Variants in NT5DC1 observed in about 807,000 individuals in gnomAD.
The protein encoded by NT5DC1 is 5'-nucleotidase domain-containing protein 1.
Under a neutral mutation model 59.4 loss-of-function variants are expected in NT5DC1, and 42 were observed. That is an observed-to-expected ratio of 0.71 (90% confidence interval 0.55 to 0.92). NT5DC1 has a LOEUF of 0.92. Among genes scored for constraint, NT5DC1 ranks in the 40% least tolerant of loss-of-function variants. NT5DC1 has a pLI of 0.00. For synonymous variants in NT5DC1, 172 were observed against 188.1 expected (o/e 0.91, Z 0.70); for missense variants, 501 against 537.1 (o/e 0.93, Z 0.66).
At chr6:116,149,927 C>T (rs986416140) in intron 6 of NT5DC1, among the ~76,000 whole-genome samples, 6 of 152,326 alleles carry the variant, frequency 3.9e-5, no homozygotes, top group African/African-American at 1.4e-4. Context: ...TTCCCCCACT[C>T]ACAGGTAGGT....
intron 6 of NT5DC1, among the ~76,000 whole-genome samples, chr6:116,134,569 A>G (rs542329367): frequency 2.6e-5 from 4 of 152,104 alleles, no homozygotes; most frequent in Non-Finnish European, 5.9e-5. Flanking sequence ...ATTGAGGTGG[A>G]TGGTTTGCCT....
intron 6 of NT5DC1, among the ~76,000 whole-genome samples, chr6:116,189,864 G>C (rs1347502390): frequency 6.6e-6 from 1 of 152,012 alleles, no homozygotes; most frequent in East Asian, 1.9e-4. Context: ...TTCAGGGGAA[G>C]CACATAATTC....
chr6:116,121,475 G>T (rs1369387732), intron 6 of NT5DC1: 2 of 1,614,162 alleles, frequency 1.2e-6, no homozygotes, highest in South Asian at 2.2e-5. Flanking sequence ...AGGAGGGCCA[G>T]ATGGTCCTGT....
intron 6 of NT5DC1, chr6:116,119,944 G>A (rs1455895907): frequency 2.2e-6 from 2 of 907,738 alleles, no homozygotes; most frequent in East Asian, 2.4e-5. Flanking sequence ...TGGTCTGATA[G>A]CTCAAATCTG....
Position 116,245,844 on chromosome 6 carries a change from A to C in NT5DC1, c.*1820A>C, listed in dbSNP as rs949611928. The stretch of plus-strand genomic sequence containing the variant: ...GTTCAGGAGGCAGAATTCAGTTGTC[A>C]GAAGTTCTAGTATTCCCTTTATCAT... On this transcript the variant is annotated 3_prime_UTR_variant, in exon 12 of 12. Coordinates refer to ENST00000319550, the MANE Select transcript of NT5DC1 (RefSeq NM_152729.3). 1 of 152,100 alleles carries C rather than the reference A, an allele frequency of 6.6e-6. No homozygotes were observed. The highest frequency in any genetic ancestry group is 1.5e-5 in the Non-Finnish European group (1 of 67,982). The allele number at this position is 152,100 out of a possible 1,614,324, so 9.4% of individuals were successfully genotyped here.
intron 6 of NT5DC1, among the ~76,000 whole-genome samples, chr6:116,213,722 A>G (rs1781633253): frequency 6.6e-6 from 1 of 152,054 alleles, no homozygotes; most frequent in African/African-American, 2.4e-5. Flanking sequence ...ATGAGCTACT[A>G]AAAACTAATG....
At chr6:116,146,995 T>C (rs1391397857) in intron 6 of NT5DC1, among the ~76,000 whole-genome samples, 2 of 90,012 alleles carry the variant, frequency 2.2e-5, no homozygotes, top group African/African-American at 1.8e-4. Context: ...TATAAAATAA[T>C]ATAAAATATA....
intron 11 of NT5DC1, among the ~76,000 whole-genome samples, chr6:116,242,007 T>G (rs1369280313): frequency 6.6e-6 from 1 of 151,336 alleles, no homozygotes; most frequent in African/African-American, 2.4e-5. Flanking sequence ...AATGTTTAAT[T>G]TAAACCTGAA....
At chr6:116,220,514 T>A (rs1275991449) in intron 6 of NT5DC1, among the ~76,000 whole-genome samples, 5 of 152,214 alleles carry the variant, frequency 3.3e-5, no homozygotes, top group African/African-American at 1.2e-4. Flanking sequence ...ATTTTTCCAT[T>A]TTGATATCTC....
At chr6:116,157,681 T>A (rs1193219084) in intron 6 of NT5DC1, among the ~76,000 whole-genome samples, 3 of 152,160 alleles carry the variant, frequency 2.0e-5, no homozygotes, top group African/African-American at 7.2e-5. Flanking sequence ...GCTCATTTTT[T>A]AACAAAACAG....
rs1465048031 is a variant in NT5DC1 at position 116,178,098 on chromosome 6, C to CGT, written c.530-42955_530-42954insTG. ...GTGTGTGTGTGTGTGTGCGCGCGCGCGCGCGTGCGTGCGTGTGTGTGTGTG... is the reference window on the plus strand; with the variant it reads ...GTGTGTGTGTGTGTGTGCGCGCGCGCGTGCGCGTGCGTGCGTGTGTGTGTGTG... On this transcript the variant is annotated intron_variant, in intron 6 of 11. Transcript: ENST00000319550. 4.6e-3 allele frequency among the ~76,000 whole-genome samples: 432 copies of CGT among 93,486 alleles called. 4 individuals carry two copies. Among genetic ancestry groups the CGT allele is most frequent in the African/African-American group, 0.014 (248 of 18,054 alleles). The allele number at this position is 93,486 out of a possible 152,430, so 61.3% of individuals were successfully genotyped here.
intron 8 of NT5DC1, among the ~76,000 whole-genome samples, chr6:116,229,671 T>G (rs563659342): frequency 1.8e-4 from 27 of 152,252 alleles, no homozygotes; most frequent in African/African-American, 6.5e-4. Flanking sequence ...CTTGCAAGAT[T>G]AAATTATCAT....
intron 6 of NT5DC1, chr6:116,121,315 T>C: frequency 6.2e-7 from 1 of 1,614,038 alleles, no homozygotes; most frequent in Admixed American, 1.7e-5. Context: ...CTCCAGCAGC[T>C]CCTGGCTTTC....
At chr6:116,228,849 A>C (rs372435604) in intron 8 of NT5DC1, among the ~76,000 whole-genome samples, 1 of 152,002 alleles carries the variant, frequency 6.6e-6, no homozygotes, top group Non-Finnish European at 1.5e-5. Context: ...TTTAATGTTG[A>C]TATTCCCTAA....
chr6:116,142,372 A>G (rs538036579), intron 6 of NT5DC1, among the ~76,000 whole-genome samples: 1 of 152,236 alleles, frequency 6.6e-6, no homozygotes, highest in Non-Finnish European at 1.5e-5. Context: ...TAAAAACCAC[A>G]TAAACTTGAA....
At chr6:116,124,733 A>G (rs563638858) in intron 6 of NT5DC1, among the ~76,000 whole-genome samples, 1 of 152,306 alleles carries the variant, frequency 6.6e-6, no homozygotes, top group East Asian at 1.9e-4. Flanking sequence ...CAGCTTATGC[A>G]TTACAGTTAA....
intron 8 of NT5DC1, among the ~76,000 whole-genome samples, chr6:116,229,451 G>A (rs182283644): frequency 6.6e-6 from 1 of 152,308 alleles, no homozygotes; most frequent in East Asian, 1.9e-4. Flanking sequence ...TGACGTCAGC[G>A]GTTGTCATGG....
At chr6:116,226,395 C>A (rs936071162) in intron 8 of NT5DC1, among the ~76,000 whole-genome samples, 1 of 151,652 alleles carries the variant, frequency 6.6e-6, no homozygotes, top group Non-Finnish European at 1.5e-5. Context: ...GAAAACTGCA[C>A]GTTAAAAATA....
chr6:116,151,165 C>T (rs1343327857), intron 6 of NT5DC1, among the ~76,000 whole-genome samples: 1 of 152,198 alleles, frequency 6.6e-6, no homozygotes, highest in African/African-American at 2.4e-5. Context: ...GGGCAGCTAT[C>T]TAGCCCATAT....
Sources: gnomAD v4.1 joint callset for allele counts (sites outside exome capture counted in the v4.1 genomes callset) on GRCh38, gnomAD v4.1.1 for gene constraint, MANE v1.5 for transcripts, NCBI Gene and HGNC (gene_info 2026-07-23, HGNC 2026-07-21) for gene names.